The following MYB variants were observed in gnomAD, a reference collection of about 807,000 sequenced individuals.
The protein encoded by MYB is MYB proto-oncogene, transcription factor.
A neutral mutation model predicts 92.9 loss-of-function variants in MYB; 28 were observed. That is an observed-to-expected ratio of 0.30 (90% CI 0.22 to 0.41). The LOEUF (loss-of-function observed/expected upper bound fraction) is 0.41. Among genes scored for constraint, MYB ranks in the 10% least tolerant of loss-of-function variants. The pLI, the probability that MYB is intolerant of heterozygous loss-of-function variation, is 1.00. For missense variants in MYB, 679 were observed against 929.3 expected, an observed-to-expected ratio of 0.73 and a Z score of 3.50; for synonymous variants, 295 against 329.1, an observed-to-expected ratio of 0.90 and a Z score of 1.12.
At position 135,207,877 on chromosome 6, in the gene MYB, G is replaced by A. The variant is rs565626393; in HGVS notation, c.2169+4553G>A. Among the ~76,000 whole-genome samples the A allele has an allele frequency of 3.3e-5, 5 of 151,026 alleles. No homozygotes were observed. In the East Asian group the frequency reaches 9.8e-4, roughly 30 times the overall value. ...AGTCCCCTGAGTAGCTGGGACTACA[G>A]ATATCTGCCTGGCTAATTTTTGTAT... On this transcript the variant is annotated intron_variant, in intron 15 of 15. Transcript: ENST00000341911.
At chr6:135,195,133 T>C (rs1777131259) in intron 8 of MYB, 1 of 1,228,118 alleles carries the variant, frequency 8.1e-7, no homozygotes, top group Non-Finnish European at 1.1e-6. Flanking sequence ...AAGATGTTTA[T>C]GTGCACATGC....
intron 1 of MYB, among the ~76,000 whole-genome samples, chr6:135,184,589 C>T (rs1775676518): frequency 6.6e-6 from 1 of 152,006 alleles, no homozygotes; most frequent in Non-Finnish European, 1.5e-5. Context: ...AAAATAATAG[C>T]TTTAAATTAT....
intron 3 of MYB, among the ~76,000 whole-genome samples, chr6:135,188,906 A>G (rs1237190871): frequency 6.6e-6 from 1 of 152,222 alleles, no homozygotes; most frequent in Non-Finnish European, 1.5e-5. Flanking sequence ...CCACAGTGAC[A>G]GAATCTCACA....
At position 135,194,478 on chromosome 6, in the gene MYB, T is replaced by A; in HGVS notation, c.948+18T>A. 1 of 1,568,284 alleles carries A rather than the reference T, an allele frequency of 6.4e-7. No individual in the cohort carries two copies. The highest frequency in any genetic ancestry group is 8.8e-7 in the Non-Finnish European group (1 of 1,140,848). Reference sequence around the variant, plus strand: ...TGCTACCAGTAAGACTGTCATCATGTGCTTGAATGAGGGGATAGCAGCTTT... The same window carrying A: ...TGCTACCAGTAAGACTGTCATCATGAGCTTGAATGAGGGGATAGCAGCTTT... On this transcript the variant is annotated intron_variant, in intron 8 of 15. Transcript: ENST00000341911.
chr6:135,184,232 C>T (rs889396576), intron 1 of MYB, among the ~76,000 whole-genome samples: 6 of 149,694 alleles, frequency 4.0e-5, no homozygotes, highest in Non-Finnish European at 8.9e-5. Flanking sequence ...GTGTCTCTCA[C>T]ATTTCACAAG....
chr6:135,206,066 C>G (rs1165968750), intron 15 of MYB, among the ~76,000 whole-genome samples: 3 of 151,174 alleles, frequency 2.0e-5, no homozygotes, highest in Non-Finnish European at 3.0e-5. Context: ...ATTAGCCGGG[C>G]GTAGTGGCGG....
chr6:135,192,914 CATTTGTAGATGTAAT>C (rs1283261980), intron 6 of MYB, among the ~76,000 whole-genome samples: 1 of 152,146 alleles, frequency 6.6e-6, no homozygotes, highest in Non-Finnish European at 1.5e-5. Context: ...AATGGAGTCG[CATTTGTAGATGTAAT>C]GTTTTTCTCT....
intron 15 of MYB, among the ~76,000 whole-genome samples, chr6:135,204,669 C>A (rs941621610): frequency 7.2e-5 from 11 of 152,206 alleles, no homozygotes; most frequent in Admixed American, 3.9e-4. Flanking sequence ...AGATTGCTTC[C>A]TTCCTGGCCT....
intron 8 of MYB, chr6:135,194,886 A>C: frequency 8.3e-7 from 1 of 1,205,926 alleles, no homozygotes; most frequent in Non-Finnish European, 1.1e-6. Context: ...TTCAGTATAT[A>C]CATGTAAAAG....
chr6:135,203,315 C>T lies in MYB; in HGVS notation c.2160C>T (p.Ser720=), dbSNP rs1778391135. 2 of 1,586,330 alleles carry T rather than the reference C, an allele frequency of 1.3e-6. No individual in the cohort carries two copies. The highest frequency in any genetic ancestry group is 1.7e-6 in the Non-Finnish European group (2 of 1,154,960). Residue 720 remains serine, a synonymous_variant, in exon 15 of 16, where the codon AGC becomes AGT. Transcript: ENST00000341911. ...FTVPKNRSLA[S]PLQPCSSTWE... The stretch of plus-strand genomic sequence containing the variant: ...TACCTAAAAACAGGTCCCTGGCGAG[C>T]CCCTTGCAGGTAATTACTATTCCAA...
rs1780762970 is a variant in MYB, at chr6:135,218,991, T to C, written c.*1011T>C. On this transcript the variant is annotated 3_prime_UTR_variant, in exon 16 of 16. Coordinates refer to ENST00000341911, the MANE Select transcript of MYB (RefSeq NM_001130173.2). ...ATCCGCATCCCCTGTGGTTTCTAAG[T>C]GTATGGTCTCAGAACTGTTGCATGG... The C allele has an allele frequency of 4.4e-6, 1 of 225,368 alleles. No homozygotes were observed. Among genetic ancestry groups the C allele is most frequent in the Non-Finnish European group, 8.9e-6 (1 of 112,802 alleles). 14.0% of individuals were successfully genotyped at this position (225,368 alleles called of 1,614,324 possible).
rs371811631 is a variant in MYB at position 135,187,801 on chromosome 6, C to T, written c.142-33C>T. ...TTGAACAGAGTTATATAGTAAATAA[C>T]TGATATCCTAGGATTACCTTTAAAT... is the stretch of plus-strand genomic sequence containing the variant. On this transcript the variant is annotated intron_variant, in intron 2 of 15. Transcript: ENST00000341911. 8 of 1,478,322 alleles carry T rather than the reference C, an allele frequency of 5.4e-6. No individual in the cohort carries two copies. In the African/African-American group the frequency reaches 9.8e-5, roughly 18 times the overall value. 91.6% of individuals were successfully genotyped at this position (1,478,322 alleles called of 1,614,324 possible).
Position 135,181,588 on chromosome 6 carries a change from G to A in MYB, c.23+52G>A. 1 of 1,109,910 alleles carries A rather than the reference G, an allele frequency of 9.0e-7. No individual in the cohort carries two copies. 68.8% of individuals were successfully genotyped at this position (1,109,910 alleles called of 1,614,324 possible). A position where few individuals can be genotyped will look rare whatever the true frequency, so the allele number is the denominator to read the frequency against. ...AGGGCGGGGGCGCGCGGGGGCGCGC[G>A]GGGCGCCAGGCTCCCGGGAGCAGGT... On this transcript the variant is annotated intron_variant, in intron 1 of 15. Transcript: ENST00000341911. This position sits in a 1 kb window ranked among gnomAD's most constrained non-coding sequence, Gnocchi z 5.3.
chr6:135,199,877 C>T (rs910619781), intron 11 of MYB, among the ~76,000 whole-genome samples: 4 of 152,032 alleles, frequency 2.6e-5, no homozygotes, highest in Admixed American at 6.5e-5. Context: ...TTTTAGTCTT[C>T]GAGGTATAAT....
Position 135,195,774 on chromosome 6 carries a change from C to T in MYB, c.975C>T (p.Pro325=), listed in dbSNP as rs372465030. ...CACAGAACCACACATGCAGCTACCC[C>T]GGGTGGCACAGCACCACCATTGCCG... ...LPTQNHTCSY[P]GWHSTTIADH... is the part of the protein sequence containing the mutation. The change falls in exon 9 of 16, where the codon CCC becomes CCT. Residue 325 remains proline, a synonymous_variant. Transcript: ENST00000341911. 15 of 1,614,020 alleles carry T rather than the reference C, an allele frequency of 9.3e-6. No individual in the cohort carries two copies. The highest frequency in any genetic ancestry group is 4.5e-5 in the East Asian group (2 of 44,894).
chr6:135,195,884 G>A lies in MYB; in HGVS notation c.1085G>A (p.Gly362Asp), dbSNP rs780955537. ...HSTPSLPADP[G>D]SLPEESASPA... is the part of the protein sequence containing the mutation. ...ACTCCATCTCTGCCAGCGGATCCTG[G>A]CTCCCTACCTGAAGAAAGCGCCTCG... Residue 362 changes from glycine (G) to aspartate (D), a missense_variant, in exon 9 of 16, where the codon GGC (glycine) becomes GAC (aspartate). Around this residue, in one of 8 missense-constraint regions of MYB, gnomAD observed 56 missense variants for 55.8 expected, o/e 1.00. Coordinates refer to ENST00000341911, the MANE Select transcript of MYB (RefSeq NM_001130173.2). 6 of 1,613,958 alleles carry A rather than the reference G, an allele frequency of 3.7e-6. No homozygotes were observed. Among genetic ancestry groups the A allele is most frequent in the Non-Finnish European group, 3.4e-6 (4 of 1,180,022 alleles).
intron 15 of MYB, among the ~76,000 whole-genome samples, chr6:135,205,442 C>T (rs2128309656): frequency 6.6e-6 from 1 of 152,240 alleles, no homozygotes. Flanking sequence ...TACTTGGGGA[C>T]AATTACCATT....
Position 135,190,448 on chromosome 6 carries a change from C to A in MYB, c.527+101C>A. 1.1e-6 allele frequency: 1 copy of A among 916,560 alleles called. No homozygotes were observed. Among genetic ancestry groups the A allele is most frequent in the Non-Finnish European group, 1.7e-6 (1 of 599,592 alleles). 56.8% of individuals were successfully genotyped at this position (916,560 alleles called of 1,614,324 possible). A position where few individuals can be genotyped will look rare whatever the true frequency, so the allele number is the denominator to read the frequency against. ...GGTGAGTAAATTATATTTCATCAGT[C>A]GTAAGTGTTTTATTAGATAAACCAG... On this transcript the variant is annotated intron_variant, in intron 5 of 15. Coordinates refer to ENST00000341911, the MANE Select transcript of MYB (RefSeq NM_001130173.2). This position sits in a 1 kb window ranked among gnomAD's most constrained non-coding sequence, Gnocchi z 4.5.
chr6:135,201,496 G>A, intron 13 of MYB, 143 bp from the exon 14 acceptor site: 1 of 500,458 alleles, frequency 2.0e-6, no homozygotes, highest in South Asian at 3.4e-5. Flanking sequence ...GAATCCAGAA[G>A]ATAGAGCAAA....
Sources: gnomAD v4.1 joint callset for allele counts (sites outside exome capture counted in the v4.1 genomes callset) on GRCh38, gnomAD v4.1.1 for gene constraint, gnomAD v4.1.1 regional missense constraint, Gnocchi (gnomAD v3.1) non-coding constraint, MANE v1.5 for transcripts, NCBI Gene and HGNC (gene_info 2026-07-23, HGNC 2026-07-21) for gene names.